Variants in ASTN2 observed in about 807,000 individuals in gnomAD.
ASTN2 encodes astrotactin-2.
ASTN2 carries 54 observed loss-of-function variants against 139.8 expected under a neutral mutation model. That is an observed-to-expected ratio of 0.39 (90% CI 0.31 to 0.48). The LOEUF (loss-of-function observed/expected upper bound fraction) is 0.48. Ranked by LOEUF, ASTN2 falls within the 20% of genes least tolerant of loss-of-function variation. The pLI, the probability that ASTN2 is intolerant of heterozygous loss-of-function variation, is 0.95. For missense variants in ASTN2, 1,565 were observed against 1,725.1 expected, an observed-to-expected ratio of 0.91 and a Z score of 1.64; for synonymous variants, 756 against 719.5, an observed-to-expected ratio of 1.05 and a Z score of -0.81.
chr9:116,887,662 T>C (rs1007701838), intron 10 of ASTN2, among the ~76,000 whole-genome samples: 4 of 152,184 alleles, frequency 2.6e-5, no homozygotes, highest in Admixed American at 1.3e-4. Flanking sequence ...ATTTACTTTG[T>C]ATTGTTGTTG....
Position 117,401,915 on chromosome 9 carries a change from G to T in ASTN2, c.442+12582C>A, listed in dbSNP as rs182521305. Among the ~76,000 whole-genome samples, 4 of 152,248 alleles carry T rather than the reference G, an allele frequency of 2.6e-5. No homozygotes were observed. The East Asian group carries it at 7.7e-4, about 29-fold the overall frequency. ...ACAAACAAGCAATTGTTTAGATTTG[G>T]CCCATGGGCTATATATAGTATGGCA... On this transcript the variant is annotated intron_variant, in intron 1 of 22. Coordinates refer to ENST00000313400, the MANE Select transcript of ASTN2 (RefSeq NM_001365068.1).
chr9:116,807,837 C>T (rs763599625), intron 12 of ASTN2, among the ~76,000 whole-genome samples: 6 of 151,906 alleles, frequency 3.9e-5, no homozygotes, highest in Non-Finnish European at 8.8e-5. Flanking sequence ...TCTGGCAGGG[C>T]GCAGTGGCTC....
At chr9:117,070,882 T>C (rs1235087504) in intron 5 of ASTN2, among the ~76,000 whole-genome samples, 32 of 149,862 alleles carry the variant, frequency 2.1e-4, no homozygotes, top group Non-Finnish European at 3.7e-4. Context: ...AGCACTTCTC[T>C]GTATTGGTTA....
chr9:116,872,652 T>C (rs1367039801), intron 10 of ASTN2, among the ~76,000 whole-genome samples: 1 of 151,996 alleles, frequency 6.6e-6, no homozygotes, highest in African/African-American at 2.4e-5. Flanking sequence ...TTGCCAGACC[T>C]TGGAAGTAGG....
At chr9:116,936,429 A>G (rs1362063334) in intron 10 of ASTN2, among the ~76,000 whole-genome samples, 3 of 152,258 alleles carry the variant, frequency 2.0e-5, no homozygotes, top group Non-Finnish European at 4.4e-5. Context: ...AGCACTTTAC[A>G]TGCATGGTCT....
Position 116,863,542 on chromosome 9 carries a change from C to T in ASTN2, c.2040+41G>A, listed in dbSNP as rs764695925. The T allele has an allele frequency of 1.9e-6, 3 of 1,605,660 alleles. No individual in the cohort carries two copies. In the East Asian group the frequency reaches 6.7e-5, roughly 36 times the overall value. ...AGGGCTTCTAGCAGGTGGCCTTAGC[C>T]CCTGGGCCACTGCCATGTTCCCGGG... On this transcript the variant is annotated intron_variant, in intron 11 of 22. Coordinates refer to ENST00000313400, the MANE Select transcript of ASTN2 (RefSeq NM_001365068.1).
At chr9:117,201,456 G>C (rs1318469254) in intron 3 of ASTN2, among the ~76,000 whole-genome samples, 1 of 152,004 alleles carries the variant, frequency 6.6e-6, no homozygotes, top group Non-Finnish European at 1.5e-5. Flanking sequence ...GATCTTTCTA[G>C]CTTTCTGATG....
chr9:116,844,428 G>C (rs1466253247), intron 11 of ASTN2, among the ~76,000 whole-genome samples: 3 of 152,206 alleles, frequency 2.0e-5, no homozygotes, highest in Non-Finnish European at 4.4e-5. Flanking sequence ...AGACAAGCCA[G>C]TATGCAAGGC....
chr9:117,159,024 C>A (rs1437860971), intron 3 of ASTN2, among the ~76,000 whole-genome samples: 3 of 151,924 alleles, frequency 2.0e-5, no homozygotes, highest in Admixed American at 6.6e-5. Context: ...CACTTCCAAG[C>A]TAATTGTCTC....
chr9:116,484,839 T>C (rs1334158701), intron 20 of ASTN2, among the ~76,000 whole-genome samples: 1 of 152,144 alleles, frequency 6.6e-6, no homozygotes, highest in Non-Finnish European at 1.5e-5. Flanking sequence ...AAGGAAAGTG[T>C]TCATCACTTT....
At chr9:116,653,798 C>T (rs1339648369) in intron 16 of ASTN2, among the ~76,000 whole-genome samples, 1 of 152,220 alleles carries the variant, frequency 6.6e-6, no homozygotes, top group East Asian at 1.9e-4. Flanking sequence ...GCCCTCAGGC[C>T]TGGAATCTGG....
chr9:117,073,080 A>C (rs1230089478), intron 5 of ASTN2, among the ~76,000 whole-genome samples: 1 of 152,188 alleles, frequency 6.6e-6, no homozygotes, highest in Non-Finnish European at 1.5e-5. Context: ...AAGATGATAT[A>C]GTGCAGCACA....
intron 3 of ASTN2, among the ~76,000 whole-genome samples, chr9:117,169,242 G>C (rs1388825769): frequency 5.3e-5 from 8 of 152,114 alleles, no homozygotes. Context: ...TTCCACCCAG[G>C]GGGTCTTTCT....
At chr9:117,352,960 A>T (rs186548963) in intron 1 of ASTN2, among the ~76,000 whole-genome samples, 157 of 152,326 alleles carry the variant, frequency 1.0e-3, no homozygotes, top group Non-Finnish European at 1.7e-3. Context: ...TCTTGAATGG[A>T]TAAATTCATA....
At chr9:116,514,899 T>C (rs62574369) in intron 19 of ASTN2, among the ~76,000 whole-genome samples, 27,343 of 151,976 alleles carry the variant, frequency 0.18, 2,832 homozygotes, top group African/African-American at 0.28. Flanking sequence ...TCTGTCACAG[T>C]TTTGCTTGGC....
intron 10 of ASTN2, among the ~76,000 whole-genome samples, chr9:116,970,085 C>T (rs1370715426): frequency 6.6e-6 from 1 of 152,192 alleles, no homozygotes; most frequent in African/African-American, 2.4e-5. Flanking sequence ...CAAATTATGT[C>T]TCCACTGTGC....
In ASTN2 at chr9:116,572,593, G is replaced by A. The variant is rs141665292; in HGVS notation, c.3355+45731C>T. ...GATGGTGAGGAAGGCTTCCCTGACC[G>A]CCTACTTGGGTCTCAGCCCCATGGG... On this transcript the variant is annotated intron_variant, in intron 19 of 22. Transcript: ENST00000313400. Among the ~76,000 whole-genome samples the A allele has an allele frequency of 4.5e-3, 665 of 149,370 alleles. 7 individuals carry two copies. Among genetic ancestry groups the A allele is most frequent in the African/African-American group, 0.015 (627 of 41,316 alleles).
At chr9:117,393,270 G>T (rs1044968473) in intron 1 of ASTN2, among the ~76,000 whole-genome samples, 3 of 152,164 alleles carry the variant, frequency 2.0e-5, no homozygotes, top group African/African-American at 7.2e-5. Flanking sequence ...TAGGGTAGGT[G>T]GACAGGAAAG....
intron 1 of ASTN2, among the ~76,000 whole-genome samples, chr9:117,378,049 G>A (rs970855629): frequency 6.6e-6 from 1 of 152,162 alleles, no homozygotes; most frequent in African/African-American, 2.4e-5. Context: ...TGATTTTGTT[G>A]CGTTTATATT....
Sources: gnomAD v4.1 joint callset for allele counts (sites outside exome capture counted in the v4.1 genomes callset) on GRCh38, gnomAD v4.1.1 for gene constraint, MANE v1.5 for transcripts, NCBI Gene and HGNC (gene_info 2026-07-23, HGNC 2026-07-21) for gene names.